WNT3: variants seen among roughly 807,000 people sequenced by gnomAD.
WNT3 encodes the protein Wnt family member 3, also known as proto-oncogene Wnt-3.
WNT3 carries 7 observed loss-of-function variants against 34.2 expected under a neutral mutation model. The observed-to-expected ratio is 0.20, with a 90% CI of 0.12 to 0.38. The LOEUF (loss-of-function observed/expected upper bound fraction) is 0.38, where lower values mean the gene tolerates loss of function less well. Among genes scored for constraint, WNT3 ranks in the 10% least tolerant of loss-of-function variants. The pLI is 1.00. For missense variants in WNT3, 267 were observed against 499.8 expected (o/e 0.53, Z 4.44); for synonymous variants, 212 against 211.5 (o/e 1.00, Z -0.02).
rs1266376451 is a variant in WNT3, at chr17:46,818,565, G to GC, written c.32dup (p.Leu12ProfsTer85). On this transcript the variant is annotated frameshift_variant, in exon 1 of 5. Coordinates refer to ENST00000225512, the MANE Select transcript of WNT3 (RefSeq NM_030753.5). LOFTEE classifies it high-confidence loss of function. ...GGACCCTGGTGCCACCGAGCAGGAG[G>GC]CCGAGGAGCAGCCCGAGCAGGTGGG... is the stretch of plus-strand genomic sequence containing the variant. The GC allele has an allele frequency of 6.2e-7, 1 of 1,608,644 alleles. No individual in the cohort carries two copies. The highest frequency in any genetic ancestry group is 8.5e-7 in the Non-Finnish European group (1 of 1,178,256).
intron 1 of WNT3, among the ~76,000 whole-genome samples, chr17:46,782,220 G>A (rs958355612): frequency 6.6e-6 from 1 of 152,176 alleles, no homozygotes; most frequent in African/African-American, 2.4e-5. Context: ...AGCCTCAAAG[G>A]GAAGGCATCT....
chr17:46,808,627 T>C (rs1435317241), intron 1 of WNT3, among the ~76,000 whole-genome samples: 1 of 152,134 alleles, frequency 6.6e-6, no homozygotes, highest in Non-Finnish European at 1.5e-5. Context: ...TGCATGGGGA[T>C]CAGCACATAG....
intron 1 of WNT3, among the ~76,000 whole-genome samples, chr17:46,795,008 C>G (rs2084035698): frequency 6.6e-6 from 1 of 152,096 alleles, no homozygotes; most frequent in African/African-American, 2.4e-5. Context: ...GCCTCGGCCT[C>G]CCAAAATACT....
At chr17:46,789,502 G>A (rs1018728259) in intron 1 of WNT3, among the ~76,000 whole-genome samples, 11 of 152,334 alleles carry the variant, frequency 7.2e-5, no homozygotes, top group Non-Finnish European at 1.2e-4. Context: ...AGAATGGTAT[G>A]AGATGATGCA....
At chr17:46,765,392 G>A (rs2146364944) in intron 4 of WNT3, among the ~76,000 whole-genome samples, 1 of 152,310 alleles carries the variant, frequency 6.6e-6, no homozygotes, top group Admixed American at 6.5e-5. Context: ...CACTTGTAAG[G>A]CACCAAATCA....
chr17:46,818,261 G>T (rs899521243), intron 1 of WNT3, among the ~76,000 whole-genome samples: 13 of 152,012 alleles, frequency 8.6e-5, no homozygotes, highest in African/African-American at 3.1e-4. Flanking sequence ...CTAAGAATAA[G>T]AAACCTTCTG....
chr17:46,798,321 C>A (rs1167569999), intron 1 of WNT3, among the ~76,000 whole-genome samples: 1 of 152,146 alleles, frequency 6.6e-6, no homozygotes, highest in Non-Finnish European at 1.5e-5. Context: ...GAGGAGGACC[C>A]ACAGATGGAC....
chr17:46,792,690 C>T (rs2084001885), intron 1 of WNT3, among the ~76,000 whole-genome samples: 1 of 152,058 alleles, frequency 6.6e-6, no homozygotes, highest in African/African-American at 2.4e-5. Flanking sequence ...ACCAGGCTAG[C>T]CTCGAACTAC....
intron 1 of WNT3, among the ~76,000 whole-genome samples, chr17:46,810,325 A>G (rs759510637): frequency 5.9e-5 from 9 of 152,028 alleles, no homozygotes; most frequent in African/African-American, 1.2e-4. Context: ...CCTCTTTTCT[A>G]GGACTCACAG....
chr17:46,776,395 A>G (rs2059412151), intron 1 of WNT3, among the ~76,000 whole-genome samples: 1 of 152,222 alleles, frequency 6.6e-6, no homozygotes, highest in Non-Finnish European at 1.5e-5. Context: ...TTATGGGCCT[A>G]TCATGTGCTG....
At chr17:46,777,844 A>G (rs776133332) in intron 1 of WNT3, among the ~76,000 whole-genome samples, 6 of 152,136 alleles carry the variant, frequency 3.9e-5, no homozygotes, top group Non-Finnish European at 8.8e-5. Context: ...TCTGAGAACA[A>G]TTCCTGAGCC....
In WNT3 at chr17:46,772,818, C is replaced by T. The variant is rs550745110; in HGVS notation, c.322+850G>A. 6.1e-5 allele frequency among the ~76,000 whole-genome samples: 8 copies of T among 130,180 alleles called. No homozygotes were observed. In the Admixed American group the frequency reaches 7.1e-4, roughly 11 times the overall value. The allele number at this position is 130,180 out of a possible 152,430, so 85.4% of individuals were successfully genotyped here. ...TTCACCTGAACGTCAGATCCCTTTTCTTTCTGGCTGTATAGGCAGCTCTCA... is the reference window on the plus strand; with the variant it reads ...TTCACCTGAACGTCAGATCCCTTTTTTTTCTGGCTGTATAGGCAGCTCTCA... On this transcript the variant is annotated intron_variant, in intron 2 of 4. Transcript: ENST00000225512.
chr17:46,814,443 G>T (rs1320311731), intron 1 of WNT3, among the ~76,000 whole-genome samples: 3 of 152,182 alleles, frequency 2.0e-5, no homozygotes, highest in African/African-American at 7.2e-5. Context: ...CATAATGGGG[G>T]CGGGGTGAGC....
chr17:46,803,535 GA>G (rs954905380), intron 1 of WNT3, among the ~76,000 whole-genome samples: 124 of 148,906 alleles, frequency 8.3e-4, no homozygotes, highest in African/African-American at 2.7e-3. Context: ...TCTCAAGAAA[GA>G]AAAAAAAAAG....
Position 46,779,104 on chromosome 17 carries a change from C to CA in WNT3, c.81-5196_81-5195insT, listed in dbSNP as rs1555683622. Among the ~76,000 whole-genome samples, 229 of 130,768 alleles carry CA rather than the reference C, an allele frequency of 1.8e-3. 1 individual carries two copies. Among genetic ancestry groups the CA allele is most frequent in the African/African-American group, 5.4e-3 (156 of 29,010 alleles). The allele number at this position is 130,768 out of a possible 152,430, so 85.8% of individuals were successfully genotyped here. On this transcript the variant is annotated intron_variant, in intron 1 of 4. Transcript: ENST00000225512. ...ACACACACACACACACACACACACA[C>CA]CCCAGCCCACTCGGCCTTCCAAAGG...
At chr17:46,788,784 TCAG>T (rs2083941039) in intron 1 of WNT3, among the ~76,000 whole-genome samples, 1 of 151,880 alleles carries the variant, frequency 6.6e-6, no homozygotes, top group African/African-American at 2.4e-5. Context: ...TTCCCTGCCC[TCAG>T]CAGCCCCACT....
chr17:46,768,407 C>G lies in WNT3; in HGVS notation c.981G>C (p.Lys327Asn). Reference sequence around the variant, plus strand: ...AGTGGAAGATGCAGTGGCATTTTTCCTTCCGCTTCTCCGTCCTCGTGTTGT... The same window carrying G: ...AGTGGAAGATGCAGTGGCATTTTTCGTTCCGCTTCTCCGTCCTCGTGTTGT... ...RGHNTRTEKR[K>N]EKCHCIFHWC... The change falls in exon 4 of 5, where the codon AAG becomes AAC. Residue 327 changes from lysine (K) to asparagine (N), a missense_variant. By Grantham distance (94) the Lys-to-Asn change is moderately conservative (BLOSUM62 0). Around this residue, in one of 3 missense-constraint regions of WNT3, gnomAD observed 60 missense variants for 82.7 expected, o/e 0.73. Coordinates refer to ENST00000225512, the MANE Select transcript of WNT3 (RefSeq NM_030753.5). This position sits in a 1 kb window ranked among gnomAD's most constrained non-coding sequence, Gnocchi z 5.0. 3.7e-6 allele frequency: 6 copies of G among 1,613,956 alleles called. No individual in the cohort carries two copies. Among genetic ancestry groups the G allele is most frequent in the Non-Finnish European group, 3.4e-6 (4 of 1,180,012 alleles).
rs115299536 is a variant in WNT3, at chr17:46,803,748, T to C, written c.80+14770A>G. Among the ~76,000 whole-genome samples the C allele has an allele frequency of 5.7e-3, 869 of 152,290 alleles. 9 individuals carry two copies. The highest frequency in any genetic ancestry group is 0.019 in the African/African-American group (799 of 41,574). The stretch of plus-strand genomic sequence containing the variant: ...TCCAGCCACAGCCCTTGCAAATGAA[T>C]TTCCCTTGACCAGCCCTTGGCCACA... On this transcript the variant is annotated intron_variant, in intron 1 of 4. Transcript: ENST00000225512.
At chr17:46,772,636 A>G (rs2059383941) in intron 2 of WNT3, among the ~76,000 whole-genome samples, 1 of 152,190 alleles carries the variant, frequency 6.6e-6, no homozygotes, top group Admixed American at 6.5e-5. Flanking sequence ...ATCATCATCC[A>G]TTGATTTGCT....
Sources: allele counts gnomAD v4.1 joint callset (sites outside exome capture counted in the v4.1 genomes callset), GRCh38; gene constraint gnomAD v4.1.1; regional missense constraint gnomAD v4.1.1; non-coding constraint Gnocchi (gnomAD v3.1); transcripts MANE v1.5; gene names NCBI Gene and HGNC (gene_info 2026-07-23, HGNC 2026-07-21).